The following PRSS23 variants were observed in gnomAD, a reference collection of about 807,000 sequenced individuals.
The protein encoded by PRSS23 is serine protease 23.
In PRSS23, 25 loss-of-function variants were observed where a neutral mutation model predicts 34.7. The observed-to-expected ratio is 0.72, with a 90% CI of 0.53 to 1.01. The LOEUF is 1.01. Among genes scored for constraint, PRSS23 ranks in the 50% least tolerant of loss-of-function variants. The pLI is 0.00. For synonymous variants in PRSS23, 176 were observed against 186.6 expected (o/e 0.94, Z 0.46); for missense variants, 445 against 475.6 (o/e 0.94, Z 0.60).
intron 2 of PRSS23, among the ~76,000 whole-genome samples, chr11:86,855,457 C>T (rs969126365): frequency 6.6e-6 from 1 of 152,132 alleles, no homozygotes; most frequent in African/African-American, 2.4e-5. Context: ...TCTTCCCAGC[C>T]TCTGCTAAAC....
At chr11:86,818,988 C>G (rs1052915078) in intron 1 of PRSS23, among the ~76,000 whole-genome samples, 12 of 152,150 alleles carry the variant, frequency 7.9e-5, no homozygotes, top group African/African-American at 2.9e-4. Flanking sequence ...GCCAGGTAAT[C>G]TGGTGGCACA....
intron 2 of PRSS23, among the ~76,000 whole-genome samples, chr11:86,889,740 T>C (rs1948828661): frequency 6.6e-6 from 1 of 152,202 alleles, no homozygotes; most frequent in Admixed American, 6.5e-5. Context: ...GGGAAGAGGC[T>C]GAACACTCAG....
chr11:86,843,341 C>T (rs1196918055), intron 2 of PRSS23, among the ~76,000 whole-genome samples: 1 of 152,172 alleles, frequency 6.6e-6, no homozygotes. Flanking sequence ...TAGGCAATAT[C>T]ATTAAGGACA....
intron 2 of PRSS23, among the ~76,000 whole-genome samples, chr11:86,869,877 G>C (rs1191281044): frequency 6.6e-6 from 1 of 152,178 alleles, no homozygotes; most frequent in Non-Finnish European, 1.5e-5. Context: ...CCAACACAGG[G>C]TTTGAAACAC....
At chr11:86,843,964 C>T (rs972167745) in intron 2 of PRSS23, among the ~76,000 whole-genome samples, 11 of 152,124 alleles carry the variant, frequency 7.2e-5, no homozygotes, top group African/African-American at 1.2e-4. Flanking sequence ...CACATGCCCA[C>T]GAATGTTTAT....
intron 1 of PRSS23, among the ~76,000 whole-genome samples, chr11:86,823,156 C>T (rs1488655400): frequency 6.6e-6 from 1 of 152,212 alleles, no homozygotes; most frequent in Non-Finnish European, 1.5e-5. Flanking sequence ...CAGACACAAA[C>T]ATGGAGGCAG....
At chr11:86,820,824 G>A (rs1175065200) in intron 1 of PRSS23, among the ~76,000 whole-genome samples, 1 of 152,086 alleles carries the variant, frequency 6.6e-6, no homozygotes, top group East Asian at 1.9e-4. Context: ...TTTTATAGAT[G>A]GGTATGTTTG....
chr11:86,864,186 A>G (rs1948634632), intron 2 of PRSS23, among the ~76,000 whole-genome samples: 1 of 151,978 alleles, frequency 6.6e-6, no homozygotes, highest in African/African-American at 2.4e-5. Flanking sequence ...CATTACACAC[A>G]CTGTATAGCC....
intron 2 of PRSS23, among the ~76,000 whole-genome samples, chr11:86,914,296 C>G (rs751580128): frequency 1.3e-5 from 2 of 152,100 alleles, no homozygotes; most frequent in Non-Finnish European, 1.5e-5. Context: ...TTGAATGCCT[C>G]AAATTAATCA....
At chr11:86,844,937 A>G (rs1286341585) in intron 2 of PRSS23, among the ~76,000 whole-genome samples, 2 of 152,142 alleles carry the variant, frequency 1.3e-5, no homozygotes, top group Non-Finnish European at 2.9e-5. Context: ...TAAAAATACA[A>G]AATTAGCTGG....
intron 2 of PRSS23, among the ~76,000 whole-genome samples, chr11:86,931,015 G>A (rs1949122295): frequency 6.6e-6 from 1 of 152,156 alleles, no homozygotes; most frequent in Non-Finnish European, 1.5e-5. Flanking sequence ...GCTCCTAAGG[G>A]CAATGGGAAG....
chr11:86,858,939 C>T (rs1451989911), intron 2 of PRSS23, among the ~76,000 whole-genome samples: 2 of 151,276 alleles, frequency 1.3e-5, no homozygotes, highest in Non-Finnish European at 2.9e-5. Flanking sequence ...CCCAATATCG[C>T]AGAGGCAGTA....
intron 2 of PRSS23, among the ~76,000 whole-genome samples, chr11:86,929,364 CGGGTG>C (rs1165338611): frequency 2.6e-5 from 4 of 150,992 alleles, no homozygotes; most frequent in Non-Finnish European, 5.9e-5. Context: ...AACTCAAGGC[CGGGTG>C]TAGTGGCTCA....
At chr11:86,927,454 A>G (rs1312996825) in intron 2 of PRSS23, among the ~76,000 whole-genome samples, 1 of 152,224 alleles carries the variant, frequency 6.6e-6, no homozygotes, top group African/African-American at 2.4e-5. Context: ...AAACTAGCCC[A>G]ACAGTAATAC....
chr11:86,851,453 C>A (rs137980405), intron 2 of PRSS23, among the ~76,000 whole-genome samples: 4,754 of 152,226 alleles, frequency 0.031, 262 homozygotes, highest in African/African-American at 0.11. Flanking sequence ...TACCAGGAAC[C>A]CCCAAAGGGA....
At chr11:86,834,853 T>C (rs1948392411) in intron 2 of PRSS23, among the ~76,000 whole-genome samples, 1 of 152,210 alleles carries the variant, frequency 6.6e-6, no homozygotes, top group African/African-American at 2.4e-5. Flanking sequence ...TTCTGCCAGC[T>C]GAACAGTAGT....
intron 2 of PRSS23, chr11:86,937,587 C>T (rs1949173058): frequency 6.6e-6 from 1 of 152,164 alleles, no homozygotes; most frequent in Admixed American, 6.5e-5. Flanking sequence ...ATGAGAGTGA[C>T]CTCTGGTTGT....
chr11:86,837,843 G>A (rs1032483395), intron 2 of PRSS23, among the ~76,000 whole-genome samples: 4 of 152,020 alleles, frequency 2.6e-5, no homozygotes, highest in African/African-American at 9.7e-5. Flanking sequence ...GAACAGCTCT[G>A]GTCTGCAGCT....
chr11:86,924,131 T>C (rs887129687), intron 2 of PRSS23, among the ~76,000 whole-genome samples: 1 of 152,132 alleles, frequency 6.6e-6, no homozygotes, highest in African/African-American at 2.4e-5. Context: ...TGGTGGTTAA[T>C]TGTTCACCAG....
Sources: gnomAD v4.1 joint callset for allele counts (sites outside exome capture counted in the v4.1 genomes callset) on GRCh38, gnomAD v4.1.1 for gene constraint, MANE v1.5 for transcripts, NCBI Gene and HGNC (gene_info 2026-07-23, HGNC 2026-07-21) for gene names.